Variants in NREP observed in about 807,000 individuals in gnomAD.
NREP encodes the protein neuronal regeneration-related protein.
Under a neutral mutation model 8.6 loss-of-function variants are expected in NREP, and 5 were observed. The observed-to-expected ratio is 0.58, with a 90% CI of 0.30 to 1.22. The LOEUF (loss-of-function observed/expected upper bound fraction) is 1.22. Among genes scored for constraint, NREP ranks in the 50% most tolerant of loss-of-function variants. NREP has a pLI of 0.07. For synonymous variants in NREP, 27 were observed against 28.0 expected (o/e 0.96, Z 0.11); for missense variants, 86 against 82.5 (o/e 1.04, Z -0.17).
chr5:111,830,259 C>G (rs968678601), intron 2 of NREP, among the ~76,000 whole-genome samples: 4 of 152,132 alleles, frequency 2.6e-5, no homozygotes, highest in Non-Finnish European at 5.9e-5. Flanking sequence ...ATCGGACACT[C>G]CTGTCTTAGG....
chr5:111,814,991 A>C (rs983829967), intron 2 of NREP, among the ~76,000 whole-genome samples: 7 of 151,798 alleles, frequency 4.6e-5, no homozygotes, highest in African/African-American at 1.7e-4. Flanking sequence ...ATACCAAAGG[A>C]ACTGGTGTAA....
rs1221853848 is a variant in NREP at position 111,861,717 on chromosome 5, G to C, written c.135+113557C>G. Among the ~76,000 whole-genome samples the C allele has an allele frequency of 2.0e-5, 3 of 152,126 alleles. No individual in the cohort carries two copies. In the East Asian group the frequency reaches 5.8e-4, roughly 29 times the overall value. On this transcript the variant is annotated intron_variant, in intron 2 of 3. Coordinates refer to the NREP transcript ENST00000395634. ...GAAATACATTTTGCTTTAGATGTAG[G>C]AATATGACCAATAACAATAGCTTGG...
At chr5:111,885,611 T>C (rs1754222052) in intron 2 of NREP, among the ~76,000 whole-genome samples, 1 of 152,062 alleles carries the variant, frequency 6.6e-6, no homozygotes, top group East Asian at 1.9e-4. Flanking sequence ...ATGGTACTGG[T>C]ACCAAAACAG....
At chr5:111,933,108 C>T (rs1477930610) in intron 2 of NREP, among the ~76,000 whole-genome samples, 1 of 152,078 alleles carries the variant, frequency 6.6e-6, no homozygotes. Context: ...TAAAATCAAA[C>T]CACGTTAAAC....
At chr5:111,860,398 T>G (rs141929951) in intron 2 of NREP, among the ~76,000 whole-genome samples, 4 of 152,178 alleles carry the variant, frequency 2.6e-5, no homozygotes, top group Admixed American at 2.6e-4. Context: ...ACTTTAATCC[T>G]AGATATCATC....
chr5:111,794,995 TAAAA>T (rs71982267), intron 2 of NREP, among the ~76,000 whole-genome samples: 7 of 130,386 alleles, frequency 5.4e-5, no homozygotes, highest in Non-Finnish European at 8.3e-5. Flanking sequence ...AAAGCTGCTC[TAAAA>T]AAAAAAAAAA....
intron 2 of NREP, among the ~76,000 whole-genome samples, chr5:111,927,949 G>A (rs868820102): frequency 6.6e-6 from 1 of 152,144 alleles, no homozygotes; most frequent in South Asian, 2.1e-4. Flanking sequence ...AGGATGGACT[G>A]TGAAAAAGTC....
intron 2 of NREP, among the ~76,000 whole-genome samples, chr5:111,910,069 G>A (rs1223254157): frequency 6.6e-6 from 1 of 152,060 alleles, no homozygotes; most frequent in African/African-American, 2.4e-5. Context: ...ACATTTGCAA[G>A]AGAACATATA....
At chr5:111,843,696 G>A (rs1184360800) in intron 2 of NREP, among the ~76,000 whole-genome samples, 1 of 152,096 alleles carries the variant, frequency 6.6e-6, no homozygotes, top group African/African-American at 2.4e-5. Flanking sequence ...TTTACAGACT[G>A]GCTTTAGCTG....
intron 2 of NREP, among the ~76,000 whole-genome samples, chr5:111,810,212 C>T (rs2112913271): frequency 6.6e-6 from 1 of 152,058 alleles, no homozygotes; most frequent in African/African-American, 2.4e-5. Context: ...TGTACAGAGC[C>T]CATGAGGCAA....
intron 2 of NREP, among the ~76,000 whole-genome samples, chr5:111,866,209 C>G (rs891640678): frequency 6.6e-6 from 1 of 152,112 alleles, no homozygotes; most frequent in African/African-American, 2.4e-5. Flanking sequence ...TCAGAGTGAA[C>G]AGGCAACCTA....
chr5:111,824,266 G>T (rs1752572519), intron 2 of NREP, among the ~76,000 whole-genome samples: 1 of 152,222 alleles, frequency 6.6e-6, no homozygotes, highest in African/African-American at 2.4e-5. Flanking sequence ...CTACTCGGGA[G>T]GCTGAGGCAG....
At chr5:111,738,046 T>C (rs1749304222) in intron 2 of NREP, among the ~76,000 whole-genome samples, 1 of 152,200 alleles carries the variant, frequency 6.6e-6, no homozygotes, top group African/African-American at 2.4e-5. Context: ...GTTACATTCT[T>C]AAAACCTGCT....
At chr5:111,810,127 GAGA>G (rs2112913193) in intron 2 of NREP, among the ~76,000 whole-genome samples, 1 of 152,146 alleles carries the variant, frequency 6.6e-6, no homozygotes, top group Non-Finnish European at 1.5e-5. Flanking sequence ...GGGGGAGGGA[GAGA>G]AGGAGTAAAA....
At chr5:111,808,252 C>T (rs912309745) in intron 2 of NREP, among the ~76,000 whole-genome samples, 9 of 152,216 alleles carry the variant, frequency 5.9e-5, no homozygotes, top group African/African-American at 2.2e-4. Flanking sequence ...CACACTTACT[C>T]TAATTGCTTG....
intron 2 of NREP, among the ~76,000 whole-genome samples, chr5:111,973,486 C>A (rs1021133041): frequency 6.6e-6 from 1 of 152,152 alleles, no homozygotes; most frequent in Non-Finnish European, 1.5e-5. Context: ...TTCACCAGAA[C>A]AGAGTTTATT....
At chr5:111,913,207 A>T (rs1466786165) in intron 2 of NREP, among the ~76,000 whole-genome samples, 2 of 152,126 alleles carry the variant, frequency 1.3e-5, no homozygotes, top group East Asian at 3.9e-4. Context: ...GGAAATGAAT[A>T]GGAGTCATGG....
intron 2 of NREP, among the ~76,000 whole-genome samples, chr5:111,800,357 G>T (rs904614593): frequency 5.3e-5 from 8 of 152,200 alleles, no homozygotes; most frequent in Admixed American, 5.2e-4. Context: ...TTATTAACAC[G>T]GTTTCATGTT....
At chr5:111,870,730 G>A (rs530551717) in intron 2 of NREP, among the ~76,000 whole-genome samples, 1 of 152,228 alleles carries the variant, frequency 6.6e-6, no homozygotes, top group Admixed American at 6.5e-5. Context: ...AGAAAAGAGA[G>A]AGACACACAG....
Sources: allele counts gnomAD v4.1 joint callset (sites outside exome capture counted in the v4.1 genomes callset), GRCh38; gene constraint gnomAD v4.1.1; transcripts MANE v1.5; gene names NCBI Gene and HGNC (gene_info 2026-07-23, HGNC 2026-07-21).